CAMK1D: variants seen among roughly 807,000 people sequenced by gnomAD.
CAMK1D encodes the protein calcium/calmodulin dependent protein kinase ID.
CAMK1D carries 9 observed loss-of-function variants against 47.7 expected under a neutral mutation model. The ratio of observed to expected loss-of-function variants is 0.19; its 90% CI spans 0.11 to 0.33. CAMK1D has a LOEUF of 0.33. Ranked by LOEUF, CAMK1D falls within the 10% of genes least tolerant of loss-of-function variation. The pLI is 1.00. For synonymous variants in CAMK1D, 184 were observed against 184.9 expected (o/e 0.99, Z 0.04); for missense variants, 291 against 488.7 (o/e 0.60, Z 3.81).
rs559803677 is a variant in CAMK1D at position 12,580,107 on chromosome 10, G to C, written c.224+26751G>C. ...GGAAAATACTGCTCTGTGGAACCTCGCAGGGCCTTTCGGCACAGCCAGAAT... is the reference window on the plus strand; with the variant it reads ...GGAAAATACTGCTCTGTGGAACCTCCCAGGGCCTTTCGGCACAGCCAGAAT... On this transcript the variant is annotated intron_variant, in intron 2 of 10. Transcript: ENST00000619168. Among the ~76,000 whole-genome samples the C allele has an allele frequency of 5.9e-5, 9 of 152,230 alleles. 1 individual carries two copies. The East Asian group carries it at 1.7e-3, about 29-fold the overall frequency.
At chr10:12,687,900 A>G (rs1832724098) in intron 3 of CAMK1D, among the ~76,000 whole-genome samples, 3 of 152,172 alleles carry the variant, frequency 2.0e-5, no homozygotes, top group African/African-American at 7.2e-5. Context: ...TCTCAGGAAC[A>G]TCTTGACTCA....
At chr10:12,637,528 G>A (rs979308649) in intron 2 of CAMK1D, among the ~76,000 whole-genome samples, 1 of 151,688 alleles carries the variant, frequency 6.6e-6, no homozygotes, top group East Asian at 1.9e-4. Context: ...AGGGTGTATA[G>A]AGGCAGGTTG....
intron 1 of CAMK1D, among the ~76,000 whole-genome samples, chr10:12,406,749 A>G (rs1268134092): frequency 1.1e-5 from 1 of 93,010 alleles, no homozygotes; most frequent in East Asian, 3.5e-4. Flanking sequence ...AAAAAAAAAA[A>G]AAATCAAGGT....
intron 1 of CAMK1D, among the ~76,000 whole-genome samples, chr10:12,415,400 T>C (rs1588461332): frequency 6.6e-6 from 1 of 150,982 alleles, no homozygotes; most frequent in Non-Finnish European, 1.5e-5. Context: ...GCGATTCTCC[T>C]GCCTCAGCCT....
At chr10:12,467,899 A>C (rs1264633072) in intron 1 of CAMK1D, among the ~76,000 whole-genome samples, 1 of 152,150 alleles carries the variant, frequency 6.6e-6, no homozygotes. Context: ...GATTTGCATG[A>C]AGTTGTCAGG....
At chr10:12,725,938 G>T (rs1368576723) in intron 3 of CAMK1D, among the ~76,000 whole-genome samples, 1 of 151,852 alleles carries the variant, frequency 6.6e-6, no homozygotes, top group Non-Finnish European at 1.5e-5. Flanking sequence ...TGTATTTTTA[G>T]TATAGACGGG....
At chr10:12,350,164 G>T (rs933552727) in intron 1 of CAMK1D, among the ~76,000 whole-genome samples, 1 of 151,988 alleles carries the variant, frequency 6.6e-6, no homozygotes, top group Non-Finnish European at 1.5e-5. Flanking sequence ...GCGGGCGCGC[G>T]ACTTCCCACT....
In CAMK1D at chr10:12,828,775, C is replaced by G; in HGVS notation, c.1046C>G (p.Ala349Gly). ...CTTCTGCTGTTCCCTGCAGGTCTGG[C>G]ACCTTCCACGCTCTGTAGTTTCATT... is the stretch of plus-strand genomic sequence containing the variant. ...LSLASQKDCL[A>G]PSTLCSFISS... is the part of the protein sequence containing the mutation. The change falls in exon 11 of 11, where the codon GCA becomes GGA. Residue 349 changes from alanine to glycine, a missense_variant. By Grantham distance (60) the Ala-to-Gly change is moderately conservative. Around this residue, in one of 2 missense-constraint regions of CAMK1D, gnomAD observed 72 missense variants for 64.4 expected, o/e 1.12. Transcript: ENST00000619168. 1 of 1,613,166 alleles carries G rather than the reference C, an allele frequency of 6.2e-7. No homozygotes were observed.
At chr10:12,820,838 A>G (rs1004011342) in intron 8 of CAMK1D, among the ~76,000 whole-genome samples, 3 of 152,162 alleles carry the variant, frequency 2.0e-5, no homozygotes, top group Admixed American at 6.5e-5. Context: ...TCAGGTCCCA[A>G]CAGGCTGCCG....
chr10:12,474,014 T>G (rs1015079852), intron 1 of CAMK1D, among the ~76,000 whole-genome samples: 4 of 152,160 alleles, frequency 2.6e-5, no homozygotes, highest in Admixed American at 2.6e-4. Context: ...AATATTTGAA[T>G]TAAGTCATAT....
intron 1 of CAMK1D, among the ~76,000 whole-genome samples, chr10:12,516,957 T>C (rs1835229116): frequency 6.6e-6 from 1 of 152,256 alleles, no homozygotes. Context: ...GCATCGAATC[T>C]GTACATCAAC....
At chr10:12,827,158 T>C (rs989887548) in intron 10 of CAMK1D, among the ~76,000 whole-genome samples, 3 of 137,298 alleles carry the variant, frequency 2.2e-5, no homozygotes, top group East Asian at 2.4e-4. Context: ...CCCTCCTTTA[T>C]TTCCCTCCTT....
intron 1 of CAMK1D, among the ~76,000 whole-genome samples, chr10:12,420,510 C>A (rs913735341): frequency 6.6e-6 from 1 of 151,990 alleles, no homozygotes; most frequent in Non-Finnish European, 1.5e-5. Context: ...TACTAATTAA[C>A]CCTTATTGAT....
At chr10:12,558,691 G>A (rs1183810311) in intron 2 of CAMK1D, among the ~76,000 whole-genome samples, 2 of 152,164 alleles carry the variant, frequency 1.3e-5, no homozygotes, top group African/African-American at 4.8e-5. Flanking sequence ...AGTGGGGGCT[G>A]AGAGAAGCAA....
At chr10:12,379,925 G>A (rs995657625) in intron 1 of CAMK1D, among the ~76,000 whole-genome samples, 1 of 151,990 alleles carries the variant, frequency 6.6e-6, no homozygotes, top group African/African-American at 2.4e-5. Context: ...AAAAAAAAGG[G>A]TGTTGTTGGC....
At chr10:12,658,096 C>T (rs550036978) in intron 2 of CAMK1D, among the ~76,000 whole-genome samples, 2 of 151,938 alleles carry the variant, frequency 1.3e-5, no homozygotes, top group South Asian at 2.1e-4. Context: ...TGCAGTGAGC[C>T]GAGATCGTGC....
intron 3 of CAMK1D, among the ~76,000 whole-genome samples, chr10:12,750,347 A>G (rs1371051311): frequency 6.6e-6 from 1 of 152,152 alleles, no homozygotes; most frequent in East Asian, 1.9e-4. Flanking sequence ...ATCATTCTAA[A>G]TGGTTTTCTG....
At chr10:12,471,930 GA>G (rs1175991245) in intron 1 of CAMK1D, among the ~76,000 whole-genome samples, 1 of 151,668 alleles carries the variant, frequency 6.6e-6, no homozygotes, top group East Asian at 1.9e-4. Flanking sequence ...AGCTACTCTG[GA>G]GGCTGAGGTG....
At chr10:12,777,909 C>A (rs1174238771) in intron 5 of CAMK1D, among the ~76,000 whole-genome samples, 1 of 152,226 alleles carries the variant, frequency 6.6e-6, no homozygotes, top group African/African-American at 2.4e-5. Flanking sequence ...AGCCCAGCCC[C>A]ATTTGGCAGC....
Sources: allele counts gnomAD v4.1 joint callset (sites outside exome capture counted in the v4.1 genomes callset), GRCh38; gene constraint gnomAD v4.1.1; regional missense constraint gnomAD v4.1.1; transcripts MANE v1.5; gene names NCBI Gene and HGNC (gene_info 2026-07-23, HGNC 2026-07-21).